Variants in TFDP2 observed in about 807,000 individuals in gnomAD.
TFDP2 encodes transcription factor Dp-2.
A neutral mutation model predicts 59.3 loss-of-function variants in TFDP2; 17 were observed. The ratio of observed to expected loss-of-function variants is 0.29; its 90% CI spans 0.20 to 0.43. The LOEUF (loss-of-function observed/expected upper bound fraction) is 0.43, where lower values mean the gene tolerates loss of function less well. TFDP2 is among the 20% of genes least tolerant of loss of function. The pLI is 1.00. For synonymous variants in TFDP2, 180 were observed against 194.7 expected (o/e 0.92, Z 0.63); for missense variants, 391 against 528.8 (o/e 0.74, Z 2.56).
chr3:142,148,088 T>C (rs2063236379), intron 1 of TFDP2, among the ~76,000 whole-genome samples: 1 of 146,534 alleles, frequency 6.8e-6, no homozygotes, highest in Admixed American at 6.8e-5. Context: ...TGAAGATAAA[T>C]TCAAGCCATG....
intron 3 of TFDP2, among the ~76,000 whole-genome samples, chr3:142,067,540 G>A (rs2060112006): frequency 6.6e-6 from 1 of 152,060 alleles, no homozygotes; most frequent in African/African-American, 2.4e-5. Context: ...TAAGATTTCA[G>A]TTATTCTCAA....
chr3:142,041,409 G>A (rs561841435), intron 3 of TFDP2, among the ~76,000 whole-genome samples: 102 of 152,194 alleles, frequency 6.7e-4, no homozygotes, highest in African/African-American at 2.4e-3. Flanking sequence ...CATGAGGGCG[G>A]GTTTTTCCCA....
At chr3:142,069,355 T>C (rs1449883510) in intron 3 of TFDP2, among the ~76,000 whole-genome samples, 1 of 152,238 alleles carries the variant, frequency 6.6e-6, no homozygotes, top group Non-Finnish European at 1.5e-5. Flanking sequence ...TGGATTTACA[T>C]TGTTTCCAAT....
chr3:141,993,486 G>C, intron 6 of TFDP2, 52 bp downstream of exon 6: 2 of 1,205,124 alleles, frequency 1.7e-6, no homozygotes, highest in Non-Finnish European at 1.2e-6. Context: ...AATGCCAACA[G>C]CCTCTCTATA....
chr3:142,019,654 C>CT (rs960786244), intron 3 of TFDP2, among the ~76,000 whole-genome samples: 1 of 151,000 alleles, frequency 6.6e-6, no homozygotes, highest in Admixed American at 6.6e-5. Flanking sequence ...AACACCCCCC[C>CT]CAACATCTTC....
chr3:141,999,474 C>T (rs1943568173), intron 4 of TFDP2, among the ~76,000 whole-genome samples: 1 of 150,858 alleles, frequency 6.6e-6, no homozygotes. Flanking sequence ...TTATCCCTTG[C>T]ATTGGTCAAA....
chr3:141,958,775 A>G (rs1449431848), intron 11 of TFDP2, among the ~76,000 whole-genome samples: 3 of 152,108 alleles, frequency 2.0e-5, no homozygotes, highest in Non-Finnish European at 2.9e-5. Context: ...TGTAAAGAGG[A>G]GCAGCGTACA....
intron 1 of TFDP2, among the ~76,000 whole-genome samples, chr3:142,103,313 G>A (rs2061372022): frequency 6.6e-6 from 1 of 151,640 alleles, no homozygotes; most frequent in South Asian, 2.1e-4. Flanking sequence ...TGTGATCTTG[G>A]TCAGGACACT....
chr3:141,994,998 T>G, intron 5 of TFDP2, 22 bp downstream of exon 5: 1 of 1,525,920 alleles, frequency 6.6e-7, no homozygotes, highest in African/African-American at 1.4e-5. Context: ...GTTTTAAAAA[T>G]AGTAACTTGC....
chr3:142,106,746 C>T (rs1042743358), intron 1 of TFDP2, among the ~76,000 whole-genome samples: 3 of 152,206 alleles, frequency 2.0e-5, no homozygotes, highest in Admixed American at 2.0e-4. Flanking sequence ...AAAAGTCAAT[C>T]TTTTGACCTC....
At chr3:142,016,302 A>AT (rs34147232) in intron 3 of TFDP2, among the ~76,000 whole-genome samples, 44 of 133,376 alleles carry the variant, frequency 3.3e-4, no homozygotes, top group Admixed American at 7.6e-4. Flanking sequence ...GCCCAGCAAC[A>AT]TTTTTTTTTT....
At chr3:142,135,589 T>TG (rs1422205005) in intron 1 of TFDP2, among the ~76,000 whole-genome samples, 1 of 151,976 alleles carries the variant, frequency 6.6e-6, no homozygotes, top group African/African-American at 2.4e-5. Context: ...TGGTGTGTGA[T>TG]GCTTCCTGCC....
At chr3:142,081,654 T>C (rs1327565485) in intron 3 of TFDP2, among the ~76,000 whole-genome samples, 1 of 152,136 alleles carries the variant, frequency 6.6e-6, no homozygotes, top group Non-Finnish European at 1.5e-5. Context: ...GACATTAAAA[T>C]TGATACCACG....
chr3:142,088,402 C>T (rs2060879474), intron 3 of TFDP2, among the ~76,000 whole-genome samples: 1 of 151,226 alleles, frequency 6.6e-6, no homozygotes. Context: ...GTGATCTTGA[C>T]GCACTGCAAC....
intron 1 of TFDP2, among the ~76,000 whole-genome samples, chr3:142,110,850 G>A (rs371139453): frequency 8.6e-5 from 13 of 152,000 alleles, no homozygotes; most frequent in Non-Finnish European, 1.5e-4. Flanking sequence ...CTAATCTGGA[G>A]GCTGAGGCAG....
intron 10 of TFDP2, among the ~76,000 whole-genome samples, chr3:141,962,922 G>C (rs1385752358): frequency 6.6e-6 from 1 of 152,064 alleles, no homozygotes; most frequent in Admixed American, 6.5e-5. Flanking sequence ...ATAAACTATA[G>C]GCTGACCTTT....
At chr3:141,974,266 T>C (rs1940268620) in intron 7 of TFDP2, 75 bp from the exon 8 acceptor site, 1 of 1,270,042 alleles carries the variant, frequency 7.9e-7, no homozygotes, top group Admixed American at 2.9e-5. Flanking sequence ...ATATATCAAA[T>C]TAATATTACA....
At chr3:142,035,707 T>A (rs1216655872) in intron 3 of TFDP2, among the ~76,000 whole-genome samples, 1 of 152,178 alleles carries the variant, frequency 6.6e-6, no homozygotes, top group African/African-American at 2.4e-5. Flanking sequence ...TTTCTGGTGC[T>A]GTTCTTGTAA....
At chr3:142,146,354 T>C (rs1356899609) in intron 1 of TFDP2, among the ~76,000 whole-genome samples, 1 of 152,184 alleles carries the variant, frequency 6.6e-6, no homozygotes, top group Admixed American at 6.5e-5. Context: ...ACATACATAG[T>C]ACTGGGATGC....
Sources: allele counts gnomAD v4.1 joint callset (sites outside exome capture counted in the v4.1 genomes callset), GRCh38; gene constraint gnomAD v4.1.1; transcripts MANE v1.5; gene names NCBI Gene and HGNC (gene_info 2026-07-23, HGNC 2026-07-21).